KTN1: variants seen among roughly 807,000 people sequenced by gnomAD.
The protein encoded by KTN1 is kinectin 1, also known as kinectin.
In KTN1, 130 loss-of-function variants were observed where a neutral mutation model predicts 222.5. The ratio of observed to expected loss-of-function variants is 0.58; its 90% CI spans 0.51 to 0.68. KTN1 has a LOEUF of 0.68. KTN1 is among the 30% of genes least tolerant of loss of function. KTN1 has a pLI of 0.00. For missense variants in KTN1, 1,508 were observed against 1,500.4 expected (o/e 1.01, Z -0.08); for synonymous variants, 512 against 496.3 (o/e 1.03, Z -0.42).
Position 55,679,598 on chromosome 14 carries a change from C to G in KTN1, c.3982C>G (p.Leu1328Val), listed in dbSNP as rs762824668. 1 of 1,611,310 alleles carries G rather than the reference C, an allele frequency of 6.2e-7. No individual in the cohort carries two copies. The highest frequency in any genetic ancestry group is 8.5e-7 in the Non-Finnish European group (1 of 1,177,544). Reference protein sequence around the residue: ...SSEKETMSVSLNQTVTQLQQL... With the variant: ...SSEKETMSVSVNQTVTQLQQL... ...TGAGAAGGAGACAATGTCTGTAAGT[C>G]TAAATCAGACTGTAACACAGTTACA... Residue 1328 changes from leucine (L) to valine (V), a missense_variant, in exon 43 of 44, where the codon CTA (leucine) becomes GTA (valine). Leu to Val is a conservative substitution (Grantham distance 32). Coordinates refer to ENST00000395314, the MANE Select transcript of KTN1 (RefSeq NM_001079521.2).
intron 18 of KTN1, among the ~76,000 whole-genome samples, chr14:55,646,263 G>C (rs1159338982): frequency 6.6e-6 from 1 of 151,988 alleles, no homozygotes; most frequent in African/African-American, 2.4e-5. Context: ...ATCTTGATCT[G>C]GTTGGTAGTT....
At chr14:55,647,987 A>G in intron 19 of KTN1, 38 bp from the exon 20 acceptor site, 1 of 773,224 alleles carries the variant, frequency 1.3e-6, no homozygotes, top group Non-Finnish European at 1.9e-6. Context: ...TAACTTTGAA[A>G]AATAGTTAAT....
intron 17 of KTN1, 143 bp from the exon 18 acceptor site, chr14:55,641,549 T>A: frequency 1.5e-6 from 1 of 689,574 alleles, no homozygotes; most frequent in Non-Finnish European, 2.6e-6. Context: ...CAGTGAAATT[T>A]GAATTATGTC....
intron 25 of KTN1, 31 bp downstream of exon 25, chr14:55,651,958 T>A (rs757828797): frequency 1.4e-6 from 2 of 1,403,816 alleles, no homozygotes; most frequent in East Asian, 4.6e-5. Flanking sequence ...TTCCTTTTAC[T>A]ATTTCTTTTT....
At chr14:55,663,803 C>A in intron 32 of KTN1, 152 bp from the exon 33 acceptor site, 1 of 567,180 alleles carries the variant, frequency 1.8e-6, no homozygotes, top group Non-Finnish European at 3.1e-6. Flanking sequence ...CTAAACATTG[C>A]TTTTTATTTT....
At chr14:55,631,147 G>T (rs2040458163) in intron 7 of KTN1, among the ~76,000 whole-genome samples, 1 of 151,302 alleles carries the variant, frequency 6.6e-6, no homozygotes, top group Non-Finnish European at 1.5e-5. Flanking sequence ...CTTTATTACT[G>T]CTAAAGAGGT....
chr14:55,647,424 C>T (rs2141070168), intron 19 of KTN1, among the ~76,000 whole-genome samples: 1 of 150,810 alleles, frequency 6.6e-6, no homozygotes. Flanking sequence ...CACCTGAGGT[C>T]AGGGGTTTGA....
chr14:55,644,890 C>T (rs2141036641), intron 18 of KTN1, among the ~76,000 whole-genome samples: 1 of 151,968 alleles, frequency 6.6e-6, no homozygotes, highest in East Asian at 1.9e-4. Context: ...AGCTGCAGAC[C>T]AAGAATACTT....
chr14:55,611,332 G>T (rs1377550907), intron 1 of KTN1, among the ~76,000 whole-genome samples: 1 of 150,138 alleles, frequency 6.7e-6, no homozygotes, highest in African/African-American at 2.5e-5. Context: ...GAACTCCTAG[G>T]CTCAAGTGAT....
At chr14:55,616,441 A>G in intron 2 of KTN1, 76 bp from the exon 3 acceptor site, 3 of 1,303,036 alleles carry the variant, frequency 2.3e-6, no homozygotes, top group Non-Finnish European at 3.2e-6. Context: ...CATTCTGGGA[A>G]TTACTCAGTG....
intron 1 of KTN1, 101 bp from the exon 2 acceptor site, chr14:55,611,918 G>T: frequency 2.0e-6 from 1 of 491,370 alleles, no homozygotes; most frequent in East Asian, 3.3e-5. Flanking sequence ...GGTCAGGTTA[G>T]ATTTGAAATG....
chr14:55,630,180 G>C (rs987103808), intron 7 of KTN1, 83 bp downstream of exon 7: 1 of 1,232,174 alleles, frequency 8.1e-7, no homozygotes, highest in Non-Finnish European at 1.2e-6. Flanking sequence ...TATGTACAAG[G>C]CCCTTTCTTG....
At chr14:55,626,164 T>C (rs1346756480) in intron 5 of KTN1, among the ~76,000 whole-genome samples, 3 of 152,028 alleles carry the variant, frequency 2.0e-5, no homozygotes, top group South Asian at 2.1e-4. Context: ...TAAATACATA[T>C]GGGCTCTCCA....
chr14:55,600,121 T>C (rs1393743703), intron 1 of KTN1, among the ~76,000 whole-genome samples: 1 of 150,262 alleles, frequency 6.7e-6, no homozygotes, highest in Non-Finnish European at 1.5e-5. Flanking sequence ...ATGTCTCTTC[T>C]GGGGATAAGC....
intron 29 of KTN1, chr14:55,656,383 A>G: frequency 2.8e-6 from 1 of 354,972 alleles, no homozygotes. Context: ...CACAATTAAC[A>G]GTGTTTTCAA....
At chr14:55,636,335 T>A (rs746199553) in intron 9 of KTN1, 114 bp from the exon 10 acceptor site, 7 of 694,414 alleles carry the variant, frequency 1.0e-5, no homozygotes, top group Non-Finnish European at 1.7e-5. Context: ...CTAGTTGCAA[T>A]AAGCAGTTTT....
chr14:55,636,579 G>C lies in KTN1; in HGVS notation c.1549+43G>C, dbSNP rs546474388. ...TCATGTAAACTTTGTATATAATTTT[G>C]GGTAAAATTTCCTCTCTCTTCCATC... On this transcript the variant is annotated intron_variant, in intron 10 of 43. Transcript: ENST00000395314. 3 of 1,471,906 alleles carry C rather than the reference G, an allele frequency of 2.0e-6. No homozygotes were observed. In the Admixed American group the frequency reaches 5.8e-5, roughly 29 times the overall value. The allele number at this position is 1,471,906 out of a possible 1,614,324, so 91.2% of individuals were successfully genotyped here. A position where few individuals can be genotyped will look rare whatever the true frequency, so the allele number is the denominator to read the frequency against.
chr14:55,644,433 A>G (rs1453241404), intron 18 of KTN1: 3 of 702,508 alleles, frequency 4.3e-6, no homozygotes, highest in African/African-American at 1.7e-5. Flanking sequence ...CAGAAAGACA[A>G]CAGGTACCAA....
At chr14:55,646,347 C>T (rs1158117756) in intron 18 of KTN1, among the ~76,000 whole-genome samples, 2 of 151,144 alleles carry the variant, frequency 1.3e-5, no homozygotes, top group East Asian at 3.9e-4. Context: ...AATGTTACAC[C>T]TTAGTATAGA....
Sources: allele counts gnomAD v4.1 joint callset (sites outside exome capture counted in the v4.1 genomes callset), GRCh38; gene constraint gnomAD v4.1.1; transcripts MANE v1.5; gene names NCBI Gene and HGNC (gene_info 2026-07-23, HGNC 2026-07-21).